ADAMTS12: variants seen among roughly 807,000 people sequenced by gnomAD.
ADAMTS12 encodes ADAM metallopeptidase with thrombospondin type 1 motif 12, also known as A disintegrin and metalloproteinase with thrombospondin motifs 12.
ADAMTS12 carries 118 observed loss-of-function variants against 167.8 expected under a neutral mutation model. The ratio of observed to expected loss-of-function variants is 0.70; its 90% CI spans 0.61 to 0.82. ADAMTS12 has a LOEUF of 0.82. Among genes scored for constraint, ADAMTS12 ranks in the 40% least tolerant of loss-of-function variants. The pLI is 0.00. For synonymous variants in ADAMTS12, 704 were observed against 716.9 expected (o/e 0.98, Z 0.29); for missense variants, 1,916 against 1,998.8 (o/e 0.96, Z 0.79).
intron 8 of ADAMTS12, 137 bp downstream of exon 8, chr5:33,649,417 T>C (rs1740794004): frequency 1.8e-6 from 2 of 1,126,682 alleles, no homozygotes; most frequent in Non-Finnish European, 2.5e-6. Context: ...ATCCGCCCCT[T>C]CTGATGCCAC....
chr5:33,639,063 T>C (rs1023734914), intron 11 of ADAMTS12, among the ~76,000 whole-genome samples: 4 of 152,196 alleles, frequency 2.6e-5, no homozygotes, highest in African/African-American at 9.6e-5. Flanking sequence ...TCTGAATAAG[T>C]TACCTCATTT....
intron 3 of ADAMTS12, among the ~76,000 whole-genome samples, chr5:33,713,135 TAGAG>T: frequency 6.6e-6 from 1 of 152,144 alleles, no homozygotes; most frequent in Non-Finnish European, 1.5e-5. Flanking sequence ...AATCAGTTCT[TAGAG>T]TTTGGTTCAT....
rs575540489 is a variant in ADAMTS12 at position 33,746,095 on chromosome 5, A to G, written c.634+5309T>C. ...TAAAATGTTCGCTATCTCATAGCAAAGCAAAGCACAAACTACTGTGAAGCC... is the reference window on the plus strand; with the variant it reads ...TAAAATGTTCGCTATCTCATAGCAAGGCAAAGCACAAACTACTGTGAAGCC... On this transcript the variant is annotated intron_variant, in intron 3 of 23. Coordinates refer to ENST00000504830, the MANE Select transcript of ADAMTS12 (RefSeq NM_030955.4). Among the ~76,000 whole-genome samples, 5 of 152,376 alleles carry G rather than the reference A, an allele frequency of 3.3e-5. No individual in the cohort carries two copies. The South Asian group carries it at 1.0e-3, about 32-fold the overall frequency.
chr5:33,549,872 A>G (rs954222054), intron 20 of ADAMTS12, among the ~76,000 whole-genome samples: 3 of 152,176 alleles, frequency 2.0e-5, no homozygotes, highest in Non-Finnish European at 2.9e-5. Flanking sequence ...GGTTTTCTCT[A>G]TGATGCTGGA....
chr5:33,728,522 T>C (rs1206942276), intron 3 of ADAMTS12, among the ~76,000 whole-genome samples: 1 of 152,216 alleles, frequency 6.6e-6, no homozygotes, highest in Non-Finnish European at 1.5e-5. Context: ...GTGTGGCCTC[T>C]AGTCATGGGC....
At chr5:33,815,066 A>C (rs919182232) in intron 2 of ADAMTS12, among the ~76,000 whole-genome samples, 4 of 152,136 alleles carry the variant, frequency 2.6e-5, no homozygotes, top group African/African-American at 9.7e-5. Flanking sequence ...TATTGTTGTT[A>C]AATATGGAAG....
chr5:33,625,688 C>A (rs867590333), intron 13 of ADAMTS12, among the ~76,000 whole-genome samples: 1 of 152,134 alleles, frequency 6.6e-6, no homozygotes. Flanking sequence ...TATTTGCCTG[C>A]ATAACTGAGA....
intron 16 of ADAMTS12, among the ~76,000 whole-genome samples, chr5:33,606,990 C>G (rs1349207504): frequency 6.6e-6 from 1 of 152,138 alleles, no homozygotes; most frequent in African/African-American, 2.4e-5. Context: ...ATAACCAACT[C>G]TTTTAGAATA....
chr5:33,694,758 C>T (rs576725817), intron 3 of ADAMTS12, among the ~76,000 whole-genome samples: 1 of 152,256 alleles, frequency 6.6e-6, no homozygotes, highest in Non-Finnish European at 1.5e-5. Flanking sequence ...ATTTCAAAGA[C>T]TTGATATGAT....
intron 2 of ADAMTS12, among the ~76,000 whole-genome samples, chr5:33,832,941 C>CAA (rs1554046039): frequency 2.4e-4 from 36 of 151,362 alleles, no homozygotes; most frequent in Middle Eastern, 3.4e-3. Context: ...ATTCCTCTAT[C>CAA]TTTAACTTTT....
At chr5:33,561,308 A>C in intron 19 of ADAMTS12, 129 bp from the exon 20 acceptor site, 1 of 1,192,912 alleles carries the variant, frequency 8.4e-7, no homozygotes, top group Non-Finnish European at 1.1e-6. Context: ...TTTAAAAATT[A>C]CCAACACTTG....
intron 2 of ADAMTS12, among the ~76,000 whole-genome samples, chr5:33,834,753 A>G (rs1476060191): frequency 2.6e-5 from 4 of 152,254 alleles, no homozygotes; most frequent in Non-Finnish European, 5.9e-5. Context: ...CTGGAGGATT[A>G]GGACACTGTG....
chr5:33,618,082 C>T (rs559596914), intron 14 of ADAMTS12, among the ~76,000 whole-genome samples: 7 of 152,318 alleles, frequency 4.6e-5, no homozygotes, highest in African/African-American at 1.7e-4. Flanking sequence ...CTACCAATAA[C>T]ATCAACAGTC....
At chr5:33,532,444 A>G (rs910727228) in intron 23 of ADAMTS12, among the ~76,000 whole-genome samples, 6 of 151,612 alleles carry the variant, frequency 4.0e-5, no homozygotes, top group African/African-American at 1.5e-4. Flanking sequence ...GTTCATCTGT[A>G]TCAACATTGG....
chr5:33,715,566 A>G (rs959647438), intron 3 of ADAMTS12, among the ~76,000 whole-genome samples: 9 of 152,254 alleles, frequency 5.9e-5, no homozygotes, highest in East Asian at 5.8e-4. Context: ...GCAATCCTAG[A>G]TTCTTTACAA....
At chr5:33,751,635 T>G in intron 2 of ADAMTS12, 87 bp from the exon 3 acceptor site, 2 of 1,328,138 alleles carry the variant, frequency 1.5e-6, no homozygotes, top group Non-Finnish European at 2.1e-6. Flanking sequence ...AGCTTATGAG[T>G]ATCTCTGAAA....
chr5:33,736,373 T>C (rs549285361), intron 3 of ADAMTS12, among the ~76,000 whole-genome samples: 3 of 152,302 alleles, frequency 2.0e-5, no homozygotes, highest in African/African-American at 7.2e-5. Context: ...TGTAGTTTGT[T>C]TTTAAAACAT....
chr5:33,848,885 T>A (rs961232643), intron 2 of ADAMTS12, among the ~76,000 whole-genome samples: 2 of 152,094 alleles, frequency 1.3e-5, no homozygotes, highest in East Asian at 1.9e-4. Flanking sequence ...GTAGCTTTAA[T>A]GTGTATATAT....
At chr5:33,674,710 C>T (rs576360230) in intron 5 of ADAMTS12, among the ~76,000 whole-genome samples, 1 of 152,166 alleles carries the variant, frequency 6.6e-6, no homozygotes, top group African/African-American at 2.4e-5. Context: ...TGCTCGTGTC[C>T]CATTATGCTG....
Sources: gnomAD v4.1 joint callset for allele counts (sites outside exome capture counted in the v4.1 genomes callset) on GRCh38, gnomAD v4.1.1 for gene constraint, MANE v1.5 for transcripts, NCBI Gene and HGNC (gene_info 2026-07-23, HGNC 2026-07-21) for gene names.